Variants in SLIT3 observed in about 807,000 individuals in gnomAD.
SLIT3 encodes the protein slit guidance ligand 3, also known as slit homolog 3 protein.
A neutral mutation model predicts 184.0 loss-of-function variants in SLIT3; 68 were observed. The observed-to-expected ratio is 0.37, with a 90% CI of 0.30 to 0.45. SLIT3 has a LOEUF of 0.45. Among genes scored for constraint, SLIT3 ranks in the 20% least tolerant of loss-of-function variants. The pLI is 1.00. For synonymous variants in SLIT3, 831 were observed against 828.6 expected, an observed-to-expected ratio of 1.00 and a Z score of -0.05; for missense variants, 1,707 against 2,026.0, an observed-to-expected ratio of 0.84 and a Z score of 3.02.
chr5:169,035,883 A>C (rs1757226093), intron 4 of SLIT3, among the ~76,000 whole-genome samples: 1 of 152,070 alleles, frequency 6.6e-6, no homozygotes, highest in African/African-American at 2.4e-5. Context: ...AATATCGTAG[A>C]GTCTTGAATC....
At chr5:169,137,301 TACATACAC>T (rs759493847) in intron 4 of SLIT3, among the ~76,000 whole-genome samples, 23 of 141,440 alleles carry the variant, frequency 1.6e-4, no homozygotes, top group Middle Eastern at 3.5e-3. Flanking sequence ...TCTTTCTATC[TACATACAC>T]ACACACACAC....
At chr5:169,002,322 C>CAAAAAAATAAAAAA (rs1755732471) in intron 4 of SLIT3, among the ~76,000 whole-genome samples, 1 of 24,198 alleles carries the variant, frequency 4.1e-5, no homozygotes, top group African/African-American at 1.4e-4. Flanking sequence ...GACTCTGTCT[C>CAAAAAAATAAAAAA]AAAAAAAAAA....
At chr5:169,040,187 A>G (rs1416931267) in intron 4 of SLIT3, among the ~76,000 whole-genome samples, 1 of 152,234 alleles carries the variant, frequency 6.6e-6, no homozygotes, top group Non-Finnish European at 1.5e-5. Context: ...GGCATGTGCA[A>G]TCACAGCCCG....
At chr5:169,036,851 C>T (rs1289166522) in intron 4 of SLIT3, among the ~76,000 whole-genome samples, 3 of 152,148 alleles carry the variant, frequency 2.0e-5, no homozygotes, top group Non-Finnish European at 2.9e-5. Flanking sequence ...GACCTTCTTC[C>T]GGGACCAGAG....
chr5:168,973,059 T>C (rs1424138774), intron 4 of SLIT3, among the ~76,000 whole-genome samples: 2 of 152,176 alleles, frequency 1.3e-5, no homozygotes, highest in Non-Finnish European at 2.9e-5. Context: ...TTCAGTATGT[T>C]AAGCTCCAGC....
At chr5:168,953,079 T>G (rs996224089) in intron 4 of SLIT3, among the ~76,000 whole-genome samples, 10 of 152,180 alleles carry the variant, frequency 6.6e-5, no homozygotes, top group South Asian at 2.1e-4. Context: ...GGGTGGAGGA[T>G]TCCGGCTAAA....
At chr5:168,907,249 T>A (rs1220914381) in intron 4 of SLIT3, among the ~76,000 whole-genome samples, 6 of 152,186 alleles carry the variant, frequency 3.9e-5, no homozygotes, top group African/African-American at 1.4e-4. Flanking sequence ...TAGCCCTGTG[T>A]CGGTGCAGAG....
Position 168,683,992 on chromosome 5 carries a change from C to T in SLIT3, c.3660G>A (p.Leu1220=). 2 of 1,594,968 alleles carry T rather than the reference C, an allele frequency of 1.3e-6. No homozygotes were observed. The highest frequency in any genetic ancestry group is 1.7e-6 in the Non-Finnish European group (2 of 1,169,580). ...TGTACACTGTGGTTGGAGGGGAACT[C>T]AGGCTGTCATAGACCAGCCGCACGT... ...QGHVRLVYDS[L]SSPPTTVYSV... is the part of the protein sequence containing the mutation. Residue 1220 remains leucine (L), a synonymous_variant, in exon 32 of 36, where the codon CTG becomes CTA. Coordinates refer to ENST00000519560, the MANE Select transcript of SLIT3 (RefSeq NM_003062.4).
intron 6 of SLIT3, among the ~76,000 whole-genome samples, chr5:168,838,169 T>A (rs375324647): frequency 1.1e-3 from 162 of 152,328 alleles, no homozygotes; most frequent in African/African-American, 3.4e-3. Context: ...TTTTAATTTT[T>A]ATTTTTGTTA....
At chr5:168,766,426 T>A (rs1755347791) in intron 14 of SLIT3, among the ~76,000 whole-genome samples, 1 of 152,184 alleles carries the variant, frequency 6.6e-6, no homozygotes. Flanking sequence ...CACACAGACA[T>A]CCACTCATGG....
intron 4 of SLIT3, among the ~76,000 whole-genome samples, chr5:169,105,607 C>G (rs908805775): frequency 1.3e-5 from 2 of 152,156 alleles, no homozygotes; most frequent in Non-Finnish European, 2.9e-5. Context: ...CGAGGCCATC[C>G]CTGGATAAAC....
chr5:169,034,623 T>C (rs2113534141), intron 4 of SLIT3, among the ~76,000 whole-genome samples: 1 of 152,334 alleles, frequency 6.6e-6, no homozygotes, highest in East Asian at 1.9e-4. Flanking sequence ...ACTGGCCAAG[T>C]GGTGCCTTGG....
intron 1 of SLIT3, among the ~76,000 whole-genome samples, chr5:169,281,405 G>A (rs566626096): frequency 2.0e-5 from 3 of 152,294 alleles, no homozygotes; most frequent in Admixed American, 1.3e-4. Context: ...GAACCAGGGA[G>A]TCAGAGGTTG....
At position 168,766,178 on chromosome 5, in the gene SLIT3, G is replaced by C. The variant is rs1287287111; in HGVS notation, c.1460-3489C>G. On this transcript the variant is annotated intron_variant, in intron 14 of 35. Transcript: ENST00000519560. ...CCTTTGGGCAGCCAGTTTGCTGACTGGGAGTCATAAATTCATTGTTATCTG... is the reference window on the plus strand; with the variant it reads ...CCTTTGGGCAGCCAGTTTGCTGACTCGGAGTCATAAATTCATTGTTATCTG... Among the ~76,000 whole-genome samples the C allele has an allele frequency of 2.0e-5, 3 of 152,144 alleles. No individual in the cohort carries two copies. In the East Asian group the frequency reaches 5.8e-4, roughly 29 times the overall value.
At chr5:168,920,556 C>G (rs925894670) in intron 4 of SLIT3, among the ~76,000 whole-genome samples, 1 of 152,172 alleles carries the variant, frequency 6.6e-6, no homozygotes, top group African/African-American at 2.4e-5. Flanking sequence ...TGGGCTACAG[C>G]TCCCCGACTT....
chr5:168,754,291 G>A (rs1466022452), intron 16 of SLIT3, among the ~76,000 whole-genome samples: 2 of 152,204 alleles, frequency 1.3e-5, no homozygotes, highest in Non-Finnish European at 2.9e-5. Flanking sequence ...TATGCACAAT[G>A]GAAGACTATT....
intron 1 of SLIT3, among the ~76,000 whole-genome samples, chr5:169,259,881 A>G (rs1283925930): frequency 6.6e-6 from 1 of 152,154 alleles, no homozygotes; most frequent in Admixed American, 6.5e-5. Flanking sequence ...GCTAAGACTC[A>G]GGAGATTCTT....
chr5:169,003,240 A>G (rs996670954), intron 4 of SLIT3, among the ~76,000 whole-genome samples: 3 of 152,186 alleles, frequency 2.0e-5, no homozygotes, highest in Non-Finnish European at 2.9e-5. Flanking sequence ...AGTTGTCACT[A>G]TTCCTTGGAT....
chr5:169,280,812 T>A (rs909062298), intron 1 of SLIT3, among the ~76,000 whole-genome samples: 3 of 152,184 alleles, frequency 2.0e-5, no homozygotes, highest in Admixed American at 1.3e-4. Context: ...TGTGTGACTT[T>A]GGGCAATAGC....
Sources: gnomAD v4.1 joint callset for allele counts (sites outside exome capture counted in the v4.1 genomes callset) on GRCh38, gnomAD v4.1.1 for gene constraint, MANE v1.5 for transcripts, NCBI Gene and HGNC (gene_info 2026-07-23, HGNC 2026-07-21) for gene names.